CAPN8: variants seen among roughly 807,000 people sequenced by gnomAD.
The protein encoded by CAPN8 is calpain 8.
Under a neutral mutation model 80.9 loss-of-function variants are expected in CAPN8, and 87 were observed. That is an observed-to-expected ratio of 1.07 (90% CI 0.90 to 1.28). CAPN8 has a LOEUF of 1.28. CAPN8 is among the 50% of genes most tolerant of loss of function. The pLI is 0.00. For synonymous variants in CAPN8, 299 were observed against 273.8 expected, an observed-to-expected ratio of 1.09 and a Z score of -0.91; for missense variants, 757 against 702.0, an observed-to-expected ratio of 1.08 and a Z score of -0.89.
chr1:223,634,423 C>T (rs1657858323), intron 2 of CAPN8, among the ~76,000 whole-genome samples: 1 of 152,178 alleles, frequency 6.6e-6, no homozygotes, highest in Admixed American at 6.5e-5. Flanking sequence ...TAGCGGGCTT[C>T]TCTCATTGGT....
chr1:223,627,024 G>T lies in CAPN8; in HGVS notation c.694C>A (p.Leu232Ile). ...CAGCCCAGCAGAGACCCCGCACAGA[G>T]GGCCTTCCGGATGATCTGATATAGA... ...ANLYQIIRKALCAGSLLGCSI... is the reference protein window; with the variant it reads ...ANLYQIIRKAICAGSLLGCSI... The change falls in exon 5 of 21, where the codon CTC becomes ATC. Residue 232 changes from leucine (L) to isoleucine (I), a missense_variant. Leu to Ile is a conservative substitution (Grantham distance 5). Coordinates refer to ENST00000366872, the MANE Select transcript of CAPN8 (RefSeq NM_001143962.2). The T allele has an allele frequency of 6.4e-7, 1 of 1,551,906 alleles. No individual in the cohort carries two copies. The highest frequency in any genetic ancestry group is 8.7e-7 in the Non-Finnish European group (1 of 1,147,036).
chr1:223,609,782 T>A, intron 11 of CAPN8, among the ~76,000 whole-genome samples: 1 of 152,200 alleles, frequency 6.6e-6, no homozygotes, highest in Non-Finnish European at 1.5e-5. Context: ...TAAATCCTAG[T>A]CCTCAAGCAA....
Position 223,545,253 on chromosome 1 carries a change from C to A in CAPN8, c.1811G>T (p.Trp604Leu). ...TACCAGATACTTCTGAATCTTCAGC[C>A]AGAGCGTCTTGAATTCCACCGCCCC... ...TLGAVEFKTL[W>L]LKIQKYLEIY... Residue 604 changes from tryptophan (W) to leucine (L), a missense_variant, in exon 17 of 21, where the codon TGG becomes TTG. Coordinates refer to ENST00000366872, the MANE Select transcript of CAPN8 (RefSeq NM_001143962.2). The A allele has an allele frequency of 6.4e-7, 1 of 1,551,678 alleles. No individual in the cohort carries two copies. Among genetic ancestry groups the A allele is most frequent in the Non-Finnish European group, 8.7e-7 (1 of 1,146,968 alleles).
intron 2 of CAPN8, among the ~76,000 whole-genome samples, chr1:223,633,388 C>A (rs113934365): frequency 0.023 from 3,256 of 140,398 alleles, 114 homozygotes; most frequent in African/African-American, 0.081. Context: ...ATAACAAATG[C>A]TCTCTTAAAA....
chr1:223,635,479 G>A (rs985946728), intron 2 of CAPN8, among the ~76,000 whole-genome samples: 1 of 152,192 alleles, frequency 6.6e-6, no homozygotes, highest in African/African-American at 2.4e-5. Context: ...CCATCTCTCT[G>A]GCTAGACTTG....
At chr1:223,641,549 A>G (rs1391055907) in intron 2 of CAPN8, among the ~76,000 whole-genome samples, 1 of 152,128 alleles carries the variant, frequency 6.6e-6, no homozygotes, top group Admixed American at 6.5e-5. Context: ...AAAATCTTAC[A>G]TGATTCCCCA....
chr1:223,642,483 C>T (rs1458029924), intron 2 of CAPN8, among the ~76,000 whole-genome samples: 1 of 152,170 alleles, frequency 6.6e-6, no homozygotes, highest in African/African-American at 2.4e-5. Flanking sequence ...CTGATAGCAG[C>T]GTAGAGGCAG....
Position 223,543,185 on chromosome 1 carries a change from A to C in CAPN8, c.2030-19T>G, listed in dbSNP as rs1028497344. 5.8e-6 allele frequency: 9 copies of C among 1,551,410 alleles called. No individual in the cohort carries two copies. In the Admixed American group the frequency reaches 1.8e-4, roughly 30 times the overall value. On this transcript the variant is annotated intron_variant, in intron 19 of 20. Transcript: ENST00000366872. Reference sequence around the variant, plus strand: ...AATAGTTCTAAAACACCAGAGAAGGAAATGAAATTAGATAAGGCTGTTCCT... The same window carrying C: ...AATAGTTCTAAAACACCAGAGAAGGCAATGAAATTAGATAAGGCTGTTCCT...
chr1:223,650,426 T>C (rs952019721), intron 2 of CAPN8, among the ~76,000 whole-genome samples: 2 of 152,194 alleles, frequency 1.3e-5, no homozygotes, highest in African/African-American at 4.8e-5. Flanking sequence ...GTGGCTGCAG[T>C]AACTGGCTCA....
chr1:223,632,220 C>CATGACGAG (rs1024361933), intron 2 of CAPN8, among the ~76,000 whole-genome samples: 3 of 152,160 alleles, frequency 2.0e-5, no homozygotes, highest in African/African-American at 7.2e-5. Flanking sequence ...AATGGATTGT[C>CATGACGAG]ATGACGAGAA....
chr1:223,549,710 CA>C (rs1656733242), intron 15 of CAPN8: 2 of 472,020 alleles, frequency 4.2e-6, no homozygotes, highest in Admixed American at 3.3e-5. Context: ...ATGATAGTAA[CA>C]ATGACCATAC....
chr1:223,547,203 C>T (rs183581974), intron 16 of CAPN8, among the ~76,000 whole-genome samples: 48 of 152,230 alleles, frequency 3.2e-4, no homozygotes, highest in South Asian at 2.9e-3. Flanking sequence ...TCAGCCCCTG[C>T]GCCCCGTCAA....
intron 2 of CAPN8, among the ~76,000 whole-genome samples, chr1:223,649,643 C>T (rs1363084005): frequency 1.3e-5 from 2 of 152,126 alleles, no homozygotes; most frequent in Non-Finnish European, 2.9e-5. Context: ...AATTTTTATT[C>T]TAAATGCCTG....
intron 13 of CAPN8, 57 bp from the exon 14 acceptor site, chr1:223,553,957 C>T (rs920575603): frequency 2.5e-5 from 10 of 398,294 alleles, no homozygotes; most frequent in East Asian, 2.5e-4. Flanking sequence ...GAATGAAAGA[C>T]GAAGATTTAA....
At chr1:223,612,073 C>T (rs1342408537) in intron 11 of CAPN8, among the ~76,000 whole-genome samples, 173 bp downstream of exon 11, 1 of 152,204 alleles carries the variant, frequency 6.6e-6, no homozygotes, top group Non-Finnish European at 1.5e-5. Flanking sequence ...ATGGTCCTCA[C>T]CCACTCTCAG....
chr1:223,549,136 A>C (rs77587903), intron 16 of CAPN8, among the ~76,000 whole-genome samples, 182 bp downstream of exon 16: 6,531 of 152,188 alleles, frequency 0.043, 210 homozygotes, highest in African/African-American at 0.078. Context: ...TCTGAGACAC[A>C]TCCATGATAT....
chr1:223,552,488 C>T (rs1476270747), intron 14 of CAPN8, among the ~76,000 whole-genome samples: 3 of 142,522 alleles, frequency 2.1e-5, no homozygotes, highest in Non-Finnish European at 1.5e-5. Context: ...CGCTTGAACC[C>T]GGGAAGCAGA....
At chr1:223,643,161 A>T (rs564051747) in intron 2 of CAPN8, among the ~76,000 whole-genome samples, 1 of 152,322 alleles carries the variant, frequency 6.6e-6, no homozygotes, top group African/African-American at 2.4e-5. Context: ...GAGCACTGAG[A>T]TGCAATTGTT....
intron 20 of CAPN8, among the ~76,000 whole-genome samples, chr1:223,542,136 A>G (rs938556576): frequency 6.6e-6 from 1 of 152,164 alleles, no homozygotes; most frequent in East Asian, 1.9e-4. Context: ...ACACATACAT[A>G]TATACACAAT....
Sources: allele counts gnomAD v4.1 joint callset (sites outside exome capture counted in the v4.1 genomes callset), GRCh38; gene constraint gnomAD v4.1.1; transcripts MANE v1.5; gene names NCBI Gene and HGNC (gene_info 2026-07-23, HGNC 2026-07-21).